ZNF354B: variants seen among roughly 807,000 people sequenced by gnomAD.
ZNF354B encodes the protein zinc finger protein 354B.
ZNF354B carries 10 observed loss-of-function variants against 12.9 expected under a neutral mutation model. That is an observed-to-expected ratio of 0.77 (90% CI 0.48 to 1.31). The LOEUF is 1.31. Among genes scored for constraint, ZNF354B ranks in the 40% most tolerant of loss-of-function variants. The pLI is 0.00. For synonymous variants in ZNF354B, 260 were observed against 243.7 expected (o/e 1.07, Z -0.62); for missense variants, 614 against 711.7 (o/e 0.86, Z 1.56).
chr5:178,882,355 A>G (rs1443974029), intron 4 of ZNF354B, among the ~76,000 whole-genome samples: 1 of 152,196 alleles, frequency 6.6e-6, no homozygotes, highest in Non-Finnish European at 1.5e-5. Flanking sequence ...AAAGGAGGGA[A>G]GACATTCAGG....
chr5:178,864,784 G>A (rs967186470), intron 2 of ZNF354B, among the ~76,000 whole-genome samples: 2 of 151,860 alleles, frequency 1.3e-5, no homozygotes, highest in African/African-American at 2.4e-5. Flanking sequence ...CACCACGCCC[G>A]GCTAATTTTT....
chr5:178,865,672 T>C lies in ZNF354B; in HGVS notation c.34-572T>C, dbSNP rs1757436707. The stretch of plus-strand genomic sequence containing the variant: ...AGGTAATTGTGAAGGTTAGATACAG[T>C]ATATACTAATGATTAATACAAAGCT... On this transcript the variant is annotated intron_variant, in intron 2 of 4. Transcript: ENST00000322434. 2.0e-5 allele frequency among the ~76,000 whole-genome samples: 3 copies of C among 152,326 alleles called. No homozygotes were observed. The South Asian group carries it at 6.2e-4, about 32-fold the overall frequency.
chr5:178,882,617 C>A, intron 4 of ZNF354B, 92 bp from the exon 5 acceptor site: 2 of 1,324,852 alleles, frequency 1.5e-6, no homozygotes, highest in South Asian at 1.8e-5. Context: ...TATAGCAAAC[C>A]CTTACTGAGA....
intron 4 of ZNF354B, among the ~76,000 whole-genome samples, chr5:178,868,147 C>T (rs554765296): frequency 6.6e-6 from 1 of 151,494 alleles, no homozygotes; most frequent in East Asian, 1.9e-4. Flanking sequence ...AGGTGGGGAA[C>T]CCTGGTGGGC....
At position 178,884,019 on chromosome 5, in the gene ZNF354B, C is replaced by T. The variant is rs558101520; in HGVS notation, c.1567C>T (p.Arg523Ter). The T allele has an allele frequency of 7.4e-6, 12 of 1,614,018 alleles. No homozygotes were observed. Among genetic ancestry groups the T allele is most frequent in the Middle Eastern group, 1.7e-4 (1 of 6,060 alleles). Residue 523 changes from arginine to a stop codon, truncating the protein, a stop_gained, in exon 5 of 5, where the codon CGA becomes TGA. Transcript: ENST00000322434. LOFTEE classifies it low-confidence loss of function (END_TRUNC). Reference protein sequence around the residue: ...QRIHTGEKPYRCLECGMSFGQ... With the variant: ...QRIHTGEKPY ...AATTCATACTGGAGAGAAACCATAT[C>T]GATGTTTAGAATGTGGGATGTCTTT...
chr5:178,879,535 A>G (rs1031292490), intron 4 of ZNF354B, among the ~76,000 whole-genome samples: 1 of 151,688 alleles, frequency 6.6e-6, no homozygotes, highest in African/African-American at 2.4e-5. Flanking sequence ...ACCCGCCATC[A>G]TGCCCAGCTA....
chr5:178,864,525 G>A (rs58672680), intron 2 of ZNF354B, among the ~76,000 whole-genome samples: 22,553 of 152,036 alleles, frequency 0.15, 2,053 homozygotes, highest in African/African-American at 0.25. Flanking sequence ...TATTTCATAT[G>A]TACAATAGAA....
In ZNF354B at chr5:178,867,744, G is replaced by A. The variant is rs543900263; in HGVS notation, c.256+673G>A. The stretch of plus-strand genomic sequence containing the variant: ...TGAAAATTACATGTATGTGTAATGT[G>A]CACATAAGCAGAGAGAAAGGTTAGG... On this transcript the variant is annotated intron_variant, in intron 4 of 4. Coordinates refer to ENST00000322434, the MANE Select transcript of ZNF354B (RefSeq NM_058230.3). Among the ~76,000 whole-genome samples the A allele has an allele frequency of 1.3e-5, 2 of 152,258 alleles. 1 individual carries two copies. The highest frequency in any genetic ancestry group is 4.8e-5 in the African/African-American group (2 of 41,556).
chr5:178,880,255 A>G (rs1757698877), intron 4 of ZNF354B, among the ~76,000 whole-genome samples: 1 of 148,522 alleles, frequency 6.7e-6, no homozygotes, highest in African/African-American at 2.5e-5. Flanking sequence ...GCTTGAGTGC[A>G]GTGGCACGAT....
At chr5:178,877,918 C>G (rs906973375) in intron 4 of ZNF354B, among the ~76,000 whole-genome samples, 1 of 152,192 alleles carries the variant, frequency 6.6e-6, no homozygotes, top group Non-Finnish European at 1.5e-5. Flanking sequence ...TTGGTGCTTC[C>G]TACTCTACCA....
intron 4 of ZNF354B, among the ~76,000 whole-genome samples, chr5:178,871,241 T>C (rs547600458): frequency 0.15 from 22,533 of 152,078 alleles, 2,035 homozygotes; most frequent in African/African-American, 0.25. Flanking sequence ...ACTCTGCCCT[T>C]CATTCAAGGC....
rs768476309 is a variant in ZNF354B at position 178,882,774 on chromosome 5, A to C, written c.322A>C (p.Arg108=). The change falls in exon 5 of 5, where the codon AGG becomes CGG. Residue 108 remains arginine, a synonymous_variant. Transcript: ENST00000322434. ...QTQDSFQEQI[R]KRLKRDEPWN... ...TCAGGATTCATTTCAGGAGCAGATA[A>C]GGAAAAGATTGAAAAGGGATGAACC... 6.3e-7 allele frequency: 1 copy of C among 1,590,842 alleles called. No homozygotes were observed. The highest frequency in any genetic ancestry group is 1.9e-5 in the Admixed American group (1 of 52,642).
Position 178,884,154 on chromosome 5 carries a change from CA to C in ZNF354B, c.1703del (p.His568LeufsTer39). 6.2e-7 allele frequency: 1 copy of C among 1,613,988 alleles called. No individual in the cohort carries two copies. Among genetic ancestry groups the C allele is most frequent in the Non-Finnish European group, 8.5e-7 (1 of 1,179,950 alleles). ...TAGACAAAGCTCATCACTTATTGCA[CA>C]TCAAAGAATTCATACTGGAGAGAAA... Reference protein sequence around the residue: ...TFRQSSSLIAHQRIHTGEKPY... With the variant: ...TFRQSSSLIAXQRIHTGEKPY... On this transcript the variant is annotated frameshift_variant, in exon 5 of 5. Coordinates refer to ENST00000322434, the MANE Select transcript of ZNF354B (RefSeq NM_058230.3). LOFTEE classifies it high-confidence loss of function.
rs748210262 is a variant in ZNF354B at position 178,883,637 on chromosome 5, C to A, written c.1185C>A (p.Ala395=). ...SECGRAFSQS[A]SLIQHERIHT... ...GTGGGAGAGCCTTCAGCCAGAGTGC[C>A]TCTCTTATTCAACATGAAAGAATTC... Residue 395 remains alanine (A), a synonymous_variant, in exon 5 of 5, where the codon GCC becomes GCA. Transcript: ENST00000322434. 1.2e-6 allele frequency: 2 copies of A among 1,613,438 alleles called. No individual in the cohort carries two copies. Among genetic ancestry groups the A allele is most frequent in the South Asian group, 2.2e-5 (2 of 91,062 alleles).
chr5:178,867,676 A>G (rs1367026736), intron 4 of ZNF354B, among the ~76,000 whole-genome samples: 4 of 152,194 alleles, frequency 2.6e-5, no homozygotes, highest in African/African-American at 9.6e-5. Flanking sequence ...AGAGCTCCCA[A>G]AAAGTTACAG....
At chr5:178,866,169 C>G (rs541186540) in intron 2 of ZNF354B, 75 bp from the exon 3 acceptor site, 1 of 1,573,712 alleles carries the variant, frequency 6.4e-7, no homozygotes, top group African/African-American at 1.4e-5. Flanking sequence ...TCACGGGTAG[C>G]GTGTCTTCCC....
intron 2 of ZNF354B, among the ~76,000 whole-genome samples, chr5:178,865,966 T>C (rs373315930): frequency 6.6e-6 from 1 of 152,210 alleles, no homozygotes; most frequent in East Asian, 1.9e-4. Flanking sequence ...TTATGTATTA[T>C]AAAATTGCCA....
At chr5:178,862,520 C>G (rs1016522754) in intron 2 of ZNF354B, among the ~76,000 whole-genome samples, 2 of 152,116 alleles carry the variant, frequency 1.3e-5, no homozygotes, top group African/African-American at 4.8e-5. Flanking sequence ...GCATGTGCCA[C>G]CACGCCCGGC....
At chr5:178,863,503 A>G (rs60178472) in intron 2 of ZNF354B, among the ~76,000 whole-genome samples, 22,659 of 152,256 alleles carry the variant, frequency 0.15, 2,072 homozygotes, top group African/African-American at 0.26. Context: ...CAGACCTACC[A>G]TGCAGCCTGC....
Sources: allele counts gnomAD v4.1 joint callset (sites outside exome capture counted in the v4.1 genomes callset), GRCh38; gene constraint gnomAD v4.1.1; transcripts MANE v1.5; gene names NCBI Gene and HGNC (gene_info 2026-07-23, HGNC 2026-07-21).